The following RRM2 variants were observed in gnomAD, a reference collection of about 807,000 sequenced individuals.
RRM2 encodes the protein ribonucleoside-diphosphate reductase subunit M2.
In RRM2, 6 loss-of-function variants were observed where a neutral mutation model predicts 45.9. The observed-to-expected ratio is 0.13, with a 90% CI of 0.07 to 0.26. The LOEUF is 0.26. RRM2 is among the 10% of genes least tolerant of loss of function. The pLI, the probability that RRM2 is intolerant of heterozygous loss-of-function variation, is 1.00. For missense variants in RRM2, 343 were observed against 489.5 expected (o/e 0.70, Z 2.82); for synonymous variants, 177 against 173.0 (o/e 1.02, Z -0.18).
intron 3 of RRM2, among the ~76,000 whole-genome samples, chr2:10,143,754 GC>G (rs768214698): frequency 2.9e-4 from 44 of 152,006 alleles, no homozygotes; most frequent in Admixed American, 5.2e-4. Flanking sequence ...TGCAACCTCC[GC>G]CTCCTGGGTT....
chr2:10,209,662 T>C lies in RRM2; in HGVS notation n.483-649T>C, dbSNP rs148150717. On this transcript the variant is annotated intron_variant and non_coding_transcript_variant, in intron 3 of 3. Coordinates refer to the RRM2 transcript ENST00000381786. ...GTTGGGATCGGCTTCCAAATCTTCC[T>C]ACTGGGGGAATGCCCATTATCCATT... 5.3e-3 allele frequency among the ~76,000 whole-genome samples: 813 copies of C among 152,130 alleles called. 5 individuals are homozygous for C. The highest frequency in any genetic ancestry group is 8.7e-3 in the Non-Finnish European group (593 of 67,996).
intron 3 of RRM2, among the ~76,000 whole-genome samples, chr2:10,162,702 A>G (rs1406041487): frequency 7.9e-6 from 1 of 127,166 alleles, no homozygotes; most frequent in Non-Finnish European, 1.6e-5. Flanking sequence ...CCCCCTGCCG[A>G]GGCCTGGGGA....
upstream of RRM2, among the ~76,000 whole-genome samples, chr2:10,138,384 C>T (rs1663026986): frequency 6.6e-6 from 1 of 152,144 alleles, no homozygotes; most frequent in African/African-American, 2.4e-5. Flanking sequence ...TCAGGCTGGT[C>T]TCGAACTCCT....
intron 3 of RRM2, among the ~76,000 whole-genome samples, chr2:10,159,984 G>C (rs1322336544): frequency 6.6e-6 from 1 of 152,146 alleles, no homozygotes; most frequent in African/African-American, 2.4e-5. Flanking sequence ...AGGGCCCTCG[G>C]GGGAAAGTCC....
chr2:10,140,140 G>A (rs1181991827), upstream of RRM2, among the ~76,000 whole-genome samples: 2 of 152,140 alleles, frequency 1.3e-5, no homozygotes, highest in African/African-American at 4.8e-5. Flanking sequence ...CCAGCTACTT[G>A]GGAGGCTGAG....
At chr2:10,162,967 A>G (rs1052185720) in intron 3 of RRM2, among the ~76,000 whole-genome samples, 5 of 152,234 alleles carry the variant, frequency 3.3e-5, no homozygotes, top group Admixed American at 3.3e-4. Flanking sequence ...AGAATAGAGT[A>G]GACAGAGTCT....
At chr2:10,162,181 C>T (rs1211426874) in intron 3 of RRM2, among the ~76,000 whole-genome samples, 2 of 152,112 alleles carry the variant, frequency 1.3e-5, no homozygotes, top group Non-Finnish European at 2.9e-5. Flanking sequence ...CACGGGATGC[C>T]CGGGTGCACA....
At chr2:10,194,606 C>T (rs879472737) in intron 3 of RRM2, among the ~76,000 whole-genome samples, 6 of 152,258 alleles carry the variant, frequency 3.9e-5, no homozygotes, top group East Asian at 1.9e-4. Flanking sequence ...CGGTGGGCCC[C>T]GGGTGGCTTG....
chr2:10,200,845 A>G (rs2125333397), intron 3 of RRM2, among the ~76,000 whole-genome samples: 1 of 152,344 alleles, frequency 6.6e-6, no homozygotes, highest in Non-Finnish European at 1.5e-5. Flanking sequence ...GTGTCCTGCC[A>G]TAAAAGAAAA....
Position 10,126,886 on chromosome 2 carries a change from T to A in RRM2, c.581T>A (p.Phe194Tyr). Residue 194 changes from phenylalanine (F) to tyrosine (Y), a missense_variant, in exon 6 of 10, where the codon TTC (phenylalanine) becomes TAC (tyrosine). Physicochemically the swap from Phe to Tyr is conservative, Grantham distance 22. Around this residue, in one of 2 missense-constraint regions of RRM2, gnomAD observed 212 missense variants for 368.1 expected, o/e 0.58. Transcript: ENST00000304567. ...IKDPKEREFL[F>Y]NAIETMPCVK... is the part of the protein sequence containing the mutation. Reference sequence around the variant, plus strand: ...TATGTGCCTACTAGGGAATTTCTCTTCAATGCCATTGAAACGATGCCTTGT... The same window carrying A: ...TATGTGCCTACTAGGGAATTTCTCTACAATGCCATTGAAACGATGCCTTGT... 6.2e-7 allele frequency: 1 copy of A among 1,613,802 alleles called. No homozygotes were observed. Among genetic ancestry groups the A allele is most frequent in the Non-Finnish European group, 8.5e-7 (1 of 1,179,896 alleles).
intron 3 of RRM2, among the ~76,000 whole-genome samples, chr2:10,181,530 A>C (rs1035120): frequency 0.56 from 85,231 of 151,946 alleles, 24,443 homozygotes; most frequent in East Asian, 0.85. Flanking sequence ...GTTTTTAATC[A>C]TTCCTCCTTT....
At chr2:10,166,344 G>A (rs1425257142) in intron 3 of RRM2, among the ~76,000 whole-genome samples, 2 of 152,204 alleles carry the variant, frequency 1.3e-5, no homozygotes, top group African/African-American at 4.8e-5. Context: ...GGGCCCTGCT[G>A]TCCACCAGCC....
chr2:10,166,682 T>C (rs1663689734), intron 3 of RRM2, among the ~76,000 whole-genome samples: 2 of 152,340 alleles, frequency 1.3e-5, no homozygotes, highest in South Asian at 4.1e-4. Flanking sequence ...GCCTGTTGCC[T>C]GCAAAGCCCT....
chr2:10,139,121 T>C (rs1356683166), upstream of RRM2, among the ~76,000 whole-genome samples: 1 of 151,844 alleles, frequency 6.6e-6, no homozygotes, highest in African/African-American at 2.4e-5. Flanking sequence ...AAATAAAGGG[T>C]GTGGTTCAGT....
chr2:10,159,505 C>T (rs977190706), intron 3 of RRM2, among the ~76,000 whole-genome samples: 1 of 152,328 alleles, frequency 6.6e-6, no homozygotes, highest in South Asian at 2.1e-4. Flanking sequence ...GACCCCTGGG[C>T]CCAGATCAGA....
intron 3 of RRM2, chr2:10,199,289 G>GC (rs754398319): frequency 3.7e-4 from 9 of 24,528 alleles, no homozygotes; most frequent in Non-Finnish European, 5.6e-4. Context: ...AAAAAAAAAA[G>GC]GGGGGGGGGA....
At chr2:10,182,378 CAA>C (rs61108972) in intron 3 of RRM2, among the ~76,000 whole-genome samples, 40 of 151,670 alleles carry the variant, frequency 2.6e-4, no homozygotes, top group Non-Finnish European at 3.7e-4. Context: ...AAAAAAAACC[CAA>C]AAAAAATCCC....
At chr2:10,147,110 GC>G (rs767177023) in intron 3 of RRM2, among the ~76,000 whole-genome samples, 127 of 151,870 alleles carry the variant, frequency 8.4e-4, no homozygotes, top group Admixed American at 1.8e-3. Flanking sequence ...GCACTACCAC[GC>G]CCAGCTAATT....
chr2:10,134,239 G>A (rs1238705705), downstream of RRM2, among the ~76,000 whole-genome samples: 1 of 151,712 alleles, frequency 6.6e-6, no homozygotes, highest in Non-Finnish European at 1.5e-5. Flanking sequence ...ACCTCTTTTG[G>A]GAACAAAGAA....
Sources: allele counts gnomAD v4.1 joint callset (sites outside exome capture counted in the v4.1 genomes callset), GRCh38; gene constraint gnomAD v4.1.1; regional missense constraint gnomAD v4.1.1; transcripts MANE v1.5; gene names NCBI Gene and HGNC (gene_info 2026-07-23, HGNC 2026-07-21).